The following AK7 variants were observed in gnomAD, a reference collection of about 807,000 sequenced individuals.
AK7 encodes the protein ATP-AMP transphosphorylase 7.
AK7 carries 78 observed loss-of-function variants against 96.6 expected under a neutral mutation model. That is an observed-to-expected ratio of 0.81 (90% CI 0.67 to 0.97). The LOEUF is 0.97. Ranked by LOEUF, AK7 falls within the 50% of genes least tolerant of loss-of-function variation. AK7 has a pLI of 0.00. For missense variants in AK7, 855 were observed against 887.9 expected (o/e 0.96, Z 0.47); for synonymous variants, 302 against 317.2 (o/e 0.95, Z 0.51).
rs529121633 is a variant in AK7, at chr14:96,478,747, G to C, written c.1753+85G>C. On this transcript the variant is annotated intron_variant, in intron 15 of 17. Transcript: ENST00000267584. ...GGTCTAGCTGTAATTGTGGGGCTGG[G>C]GGGAGGGTGGGGAGTGTAATCATGG... is the stretch of plus-strand genomic sequence containing the variant. The C allele has an allele frequency of 7.5e-6, 10 of 1,328,050 alleles. No individual in the cohort carries two copies. The East Asian group carries it at 1.5e-4, about 19-fold the overall frequency. 82.3% of individuals were successfully genotyped at this position (1,328,050 alleles called of 1,614,324 possible). A position where few individuals can be genotyped will look rare whatever the true frequency, so the allele number is the denominator to read the frequency against.
intron 6 of AK7, among the ~76,000 whole-genome samples, chr14:96,440,191 G>A (rs1002252640): frequency 7.9e-5 from 12 of 152,106 alleles, no homozygotes; most frequent in African/African-American, 2.2e-4. Flanking sequence ...GGCCAGGCTG[G>A]TCTTGAACTC....
intron 6 of AK7, among the ~76,000 whole-genome samples, chr14:96,439,881 A>AG (rs1266251160): frequency 6.6e-6 from 1 of 152,150 alleles, no homozygotes; most frequent in Non-Finnish European, 1.5e-5. Context: ...CTGTAAAAGG[A>AG]GGGGGGTGCA....
intron 15 of AK7, among the ~76,000 whole-genome samples, chr14:96,480,573 C>T (rs1307669210): frequency 6.6e-6 from 1 of 152,144 alleles, no homozygotes; most frequent in Admixed American, 6.6e-5. Flanking sequence ...GCTAAGGGTT[C>T]TGTACCTCCT....
chr14:96,449,419 G>GAT (rs57580966), intron 8 of AK7, among the ~76,000 whole-genome samples: 10,592 of 148,290 alleles, frequency 0.071, 1,268 homozygotes, highest in African/African-American at 0.25. Flanking sequence ...TTCATTTGAG[G>GAT]GTGTTTGTTT....
chr14:96,465,720 G>T (rs988200684), intron 12 of AK7, among the ~76,000 whole-genome samples: 3 of 151,446 alleles, frequency 2.0e-5, no homozygotes, highest in African/African-American at 7.3e-5. Flanking sequence ...GTGAGTAAAA[G>T]AACCAAAGAG....
In AK7 at chr14:96,414,974, C is replaced by G. The variant is rs548214095; in HGVS notation, c.499-5848C>G. Among the ~76,000 whole-genome samples, 3 of 152,014 alleles carry G rather than the reference C, an allele frequency of 2.0e-5. No homozygotes were observed. The East Asian group carries it at 5.8e-4, about 29-fold the overall frequency. ...TTTGCCATGTTGCCCAGGCTGGTCT[C>G]AAATTTCTGGGCTCAATTAACCCAC... On this transcript the variant is annotated intron_variant, in intron 4 of 17. Coordinates refer to ENST00000267584, the MANE Select transcript of AK7 (RefSeq NM_152327.5).
At chr14:96,401,052 G>A (rs1202860126) in intron 2 of AK7, among the ~76,000 whole-genome samples, 2 of 152,188 alleles carry the variant, frequency 1.3e-5, no homozygotes, top group African/African-American at 4.8e-5. Flanking sequence ...TCTGTCAGGT[G>A]TCCAGTCAGC....
At chr14:96,440,959 T>C (rs1892925750) in intron 6 of AK7, among the ~76,000 whole-genome samples, 1 of 151,888 alleles carries the variant, frequency 6.6e-6, no homozygotes, top group African/African-American at 2.4e-5. Context: ...ACCCAGGAGT[T>C]TGAGACCAGC....
intron 1 of AK7, among the ~76,000 whole-genome samples, chr14:96,395,430 C>T (rs146441802): frequency 6.6e-6 from 1 of 152,200 alleles, no homozygotes; most frequent in African/African-American, 2.4e-5. Context: ...GGGCTGGTCT[C>T]AGGGGTGGCA....
intron 16 of AK7, 39 bp from the exon 17 acceptor site, chr14:96,486,859 C>A (rs376739942): frequency 1.9e-6 from 3 of 1,589,628 alleles, no homozygotes; most frequent in South Asian, 2.2e-5. Flanking sequence ...TCCCCTTTCT[C>A]ACTACACATT....
chr14:96,447,327 T>G (rs1018868579), intron 8 of AK7, among the ~76,000 whole-genome samples: 3 of 152,196 alleles, frequency 2.0e-5, no homozygotes, highest in African/African-American at 7.2e-5. Flanking sequence ...ATTTACTTAT[T>G]TTTTTGATAC....
chr14:96,474,446 TAAAAAAA>T (rs1170896129), intron 14 of AK7, among the ~76,000 whole-genome samples: 2 of 101,470 alleles, frequency 2.0e-5, no homozygotes, highest in African/African-American at 7.6e-5. Context: ...TCATATCTAC[TAAAAAAA>T]AAAAAAAAAA....
chr14:96,449,948 T>A (rs1439609252), intron 9 of AK7, 69 bp downstream of exon 9: 2 of 1,229,296 alleles, frequency 1.6e-6, no homozygotes, highest in Non-Finnish European at 2.3e-6. Flanking sequence ...GTTATTTTTT[T>A]AATATCAGAT....
chr14:96,471,993 T>C (rs1413211630), intron 13 of AK7, among the ~76,000 whole-genome samples: 1 of 151,934 alleles, frequency 6.6e-6, no homozygotes, highest in Non-Finnish European at 1.5e-5. Flanking sequence ...TTAGTAACTT[T>C]TGTTTTTTCC....
rs1895929327 is a variant in AK7, at chr14:96,489,043, T to C, written c.*700T>C. On this transcript the variant is annotated 3_prime_UTR_variant, in exon 18 of 18. Coordinates refer to ENST00000267584, the MANE Select transcript of AK7 (RefSeq NM_152327.5). ...ATAAGTTATCAATCCTATAGTCTTT[T>C]CCAGTTCTAAAAATCCCATAAGATT... 1 of 152,190 alleles carries C rather than the reference T, an allele frequency of 6.6e-6. No homozygotes were observed. The highest frequency in any genetic ancestry group is 1.5e-5 in the Non-Finnish European group (1 of 68,030). The allele number at this position is 152,190 out of a possible 1,614,324, so 9.4% of individuals were successfully genotyped here.
chr14:96,465,629 T>C (rs553685273), intron 12 of AK7, among the ~76,000 whole-genome samples: 3 of 152,000 alleles, frequency 2.0e-5, no homozygotes, highest in African/African-American at 7.2e-5. Flanking sequence ...CTTGTCAGAG[T>C]TCAGATTATT....
At chr14:96,432,257 G>GTT (rs1892396259) in intron 5 of AK7, among the ~76,000 whole-genome samples, 1 of 128,586 alleles carries the variant, frequency 7.8e-6, no homozygotes, top group East Asian at 2.4e-4. Context: ...TCCTCCAGCC[G>GTT]TTTATTTTGA....
chr14:96,408,678 G>T (rs532248069), intron 3 of AK7, among the ~76,000 whole-genome samples, 169 bp from the exon 4 acceptor site: 1 of 152,238 alleles, frequency 6.6e-6, no homozygotes, highest in Non-Finnish European at 1.5e-5. Context: ...TACAGGTAGC[G>T]AGAAAGCAGG....
At chr14:96,407,802 T>C (rs1301497446) in intron 3 of AK7, among the ~76,000 whole-genome samples, 1 of 151,926 alleles carries the variant, frequency 6.6e-6, no homozygotes, top group Non-Finnish European at 1.5e-5. Context: ...AGGATGGTCT[T>C]GATCTCCTGA....
Sources: allele counts gnomAD v4.1 joint callset (sites outside exome capture counted in the v4.1 genomes callset), GRCh38; gene constraint gnomAD v4.1.1; transcripts MANE v1.5; gene names NCBI Gene and HGNC (gene_info 2026-07-23, HGNC 2026-07-21).